HDHD2: variants seen among roughly 807,000 people sequenced by gnomAD.
HDHD2 encodes the protein haloacid dehalogenase-like hydrolase domain-containing protein 2.
A neutral mutation model predicts 24.8 loss-of-function variants in HDHD2; 26 were observed. That is an observed-to-expected ratio of 1.05 (90% CI 0.77 to 1.45). HDHD2 has a LOEUF of 1.45. HDHD2 is among the 40% of genes most tolerant of loss of function. The pLI, the probability that HDHD2 is intolerant of heterozygous loss-of-function variation, is 0.00. For synonymous variants in HDHD2, 128 were observed against 114.9 expected, an observed-to-expected ratio of 1.11 and a Z score of -0.73; for missense variants, 299 against 313.4, an observed-to-expected ratio of 0.95 and a Z score of 0.35.
At chr18:47,134,738 G>C in intron 2 of HDHD2, 34 bp from the exon 3 acceptor site, 1 of 1,548,126 alleles carries the variant, frequency 6.5e-7, no homozygotes, top group Non-Finnish European at 8.9e-7. Flanking sequence ...TCAAAAGGCA[G>C]CTTTTACATT....
intron 4 of HDHD2, among the ~76,000 whole-genome samples, chr18:47,120,096 T>TA (rs1415389734): frequency 2.6e-5 from 4 of 152,210 alleles, no homozygotes; most frequent in Admixed American, 1.3e-4. Context: ...GGTTTGAACT[T>TA]AAAGTCACCA....
intron 6 of HDHD2, chr18:47,111,104 C>T: frequency 1.0e-6 from 1 of 985,250 alleles, no homozygotes; most frequent in Non-Finnish European, 1.2e-6. Flanking sequence ...CATGATTTTT[C>T]TGACCAAAAA....
chr18:47,137,171 G>C, intron 1 of HDHD2: 1 of 710,430 alleles, frequency 1.4e-6, no homozygotes, highest in East Asian at 2.7e-5. Flanking sequence ...TGAATGACAG[G>C]GATTGTCAAT....
At chr18:47,110,871 TAACA>T (rs2063510238) in intron 6 of HDHD2, 1 of 984,888 alleles carries the variant, frequency 1.0e-6, no homozygotes, top group African/African-American at 1.7e-5. Flanking sequence ...CAAAAATCTT[TAACA>T]AATAATTGAT....
intron 1 of HDHD2, among the ~76,000 whole-genome samples, chr18:47,142,936 C>A (rs572664603): frequency 2.0e-5 from 3 of 152,276 alleles, no homozygotes; most frequent in South Asian, 2.1e-4. Context: ...ATGCGCCTGA[C>A]AAACTACTCT....
At chr18:47,134,362 C>T (rs1414401349) in intron 3 of HDHD2, 134 bp downstream of exon 3, 2 of 710,518 alleles carry the variant, frequency 2.8e-6, no homozygotes, top group Non-Finnish European at 4.6e-6. Context: ...AATTTAGATT[C>T]AAAATATCAG....
intron 4 of HDHD2, among the ~76,000 whole-genome samples, chr18:47,118,669 C>A (rs1568046095): frequency 6.6e-6 from 1 of 152,180 alleles, no homozygotes; most frequent in Admixed American, 6.5e-5. Flanking sequence ...TGCAGCAAAT[C>A]TTCATGGCAC....
chr18:47,148,301 T>C (rs1460226346), intron 1 of HDHD2, among the ~76,000 whole-genome samples: 3 of 152,216 alleles, frequency 2.0e-5, no homozygotes, highest in Non-Finnish European at 2.9e-5. Context: ...TGAACATGTA[T>C]AATACTCGTT....
At chr18:47,121,331 T>A (rs2063605147) in intron 4 of HDHD2, among the ~76,000 whole-genome samples, 1 of 152,102 alleles carries the variant, frequency 6.6e-6, no homozygotes, top group Non-Finnish European at 1.5e-5. Flanking sequence ...TCTTTCCCAA[T>A]CTTTCCCATC....
At chr18:47,123,767 T>C (rs1168230797) in intron 4 of HDHD2, among the ~76,000 whole-genome samples, 3 of 152,074 alleles carry the variant, frequency 2.0e-5, no homozygotes, top group African/African-American at 4.8e-5. Flanking sequence ...TTTCATAGAC[T>C]GGAAGATATA....
chr18:47,142,973 C>T (rs1184376171), intron 1 of HDHD2, among the ~76,000 whole-genome samples: 1 of 152,186 alleles, frequency 6.6e-6, no homozygotes, highest in Non-Finnish European at 1.5e-5. Flanking sequence ...TACCTCCCTA[C>T]ACAGAATATA....
intron 1 of HDHD2, among the ~76,000 whole-genome samples, chr18:47,146,546 G>A (rs1472523921): frequency 6.6e-6 from 1 of 152,140 alleles, no homozygotes; most frequent in African/African-American, 2.4e-5. Flanking sequence ...GAACAAAGAC[G>A]TCTATAGCAG....
At chr18:47,143,303 A>G (rs547374154) in intron 1 of HDHD2, among the ~76,000 whole-genome samples, 1 of 152,150 alleles carries the variant, frequency 6.6e-6, no homozygotes, top group South Asian at 2.1e-4. Context: ...AAATAAATTA[A>G]AAAGTAGCCA....
chr18:47,135,985 CTGTG>C (rs1191941261), intron 2 of HDHD2, among the ~76,000 whole-genome samples: 1 of 152,158 alleles, frequency 6.6e-6, no homozygotes, highest in African/African-American at 2.4e-5. Context: ...TTATGCCTGT[CTGTG>C]TGTGTTTTAT....
intron 1 of HDHD2, among the ~76,000 whole-genome samples, chr18:47,140,576 T>C (rs866218855): frequency 2.0e-5 from 3 of 152,158 alleles, no homozygotes; most frequent in Admixed American, 6.5e-5. Context: ...TGGAGTGCAG[T>C]TGCATGATCA....
intron 1 of HDHD2, among the ~76,000 whole-genome samples, chr18:47,139,789 G>A (rs2063803474): frequency 6.6e-6 from 1 of 152,090 alleles, no homozygotes; most frequent in South Asian, 2.1e-4. Flanking sequence ...TTGCTGATGG[G>A]GAAAAACCTC....
chr18:47,148,282 A>T (rs2063894016), intron 1 of HDHD2, among the ~76,000 whole-genome samples: 1 of 152,088 alleles, frequency 6.6e-6, no homozygotes, highest in Non-Finnish European at 1.5e-5. Context: ...TGAGCCACCA[A>T]GCCTTGTCTG....
intron 1 of HDHD2, among the ~76,000 whole-genome samples, chr18:47,144,458 G>A (rs72907250): frequency 6.6e-6 from 1 of 152,124 alleles, no homozygotes; most frequent in African/African-American, 2.4e-5. Flanking sequence ...CAGAGAATTT[G>A]GAACCATAAA....
intron 4 of HDHD2, among the ~76,000 whole-genome samples, chr18:47,123,049 G>T (rs1486416233): frequency 6.6e-6 from 1 of 152,078 alleles, no homozygotes; most frequent in African/African-American, 2.4e-5. Context: ...AGTGCACTAG[G>T]AGTCCCAGAC....
Sources: gnomAD v4.1 joint callset for allele counts (sites outside exome capture counted in the v4.1 genomes callset) on GRCh38, gnomAD v4.1.1 for gene constraint, MANE v1.5 for transcripts, NCBI Gene and HGNC (gene_info 2026-07-23, HGNC 2026-07-21) for gene names.